Variants in ZFPM2 observed in about 807,000 individuals in gnomAD.
ZFPM2 encodes zinc finger protein ZFPM2.
In ZFPM2, 20 loss-of-function variants were observed where a neutral mutation model predicts 98.6. The ratio of observed to expected loss-of-function variants is 0.20; its 90% CI spans 0.14 to 0.29. The LOEUF is 0.29. Ranked by LOEUF, ZFPM2 falls within the 10% of genes least tolerant of loss-of-function variation. The pLI is 1.00. For synonymous variants in ZFPM2, 518 were observed against 502.7 expected, an observed-to-expected ratio of 1.03 and a Z score of -0.41; for missense variants, 1,310 against 1,388.6, an observed-to-expected ratio of 0.94 and a Z score of 0.90.
intron 1 of ZFPM2, chr8:105,319,498 C>G (rs950214748): frequency 2.0e-5 from 3 of 152,338 alleles, no homozygotes; most frequent in African/African-American, 7.2e-5. Flanking sequence ...CGATCCTGGG[C>G]GGTGCCAGAG....
At chr8:105,677,762 C>A (rs971108253) in intron 5 of ZFPM2, among the ~76,000 whole-genome samples, 2 of 151,920 alleles carry the variant, frequency 1.3e-5, no homozygotes, top group African/African-American at 4.8e-5. Context: ...CTAGGAGATT[C>A]CTCTTTTAAA....
chr8:105,555,502 G>A (rs184254437), intron 3 of ZFPM2, among the ~76,000 whole-genome samples: 4 of 151,954 alleles, frequency 2.6e-5, no homozygotes, highest in Non-Finnish European at 4.4e-5. Flanking sequence ...GAGATACGTC[G>A]TATCATCAAG....
intron 1 of ZFPM2, among the ~76,000 whole-genome samples, chr8:105,329,718 C>T (rs1812176904): frequency 6.6e-6 from 1 of 151,548 alleles, no homozygotes; most frequent in Non-Finnish European, 1.5e-5. Flanking sequence ...TTCTGAGAAG[C>T]TTAGGTTAAA....
chr8:105,530,604 C>T (rs575161299), intron 3 of ZFPM2, among the ~76,000 whole-genome samples: 4 of 152,168 alleles, frequency 2.6e-5, no homozygotes, highest in Admixed American at 6.6e-5. Flanking sequence ...CATGAAACAG[C>T]GAGCATGTGC....
At chr8:105,442,177 C>CAAA (rs34122458) in intron 2 of ZFPM2, among the ~76,000 whole-genome samples, 35 of 131,380 alleles carry the variant, frequency 2.7e-4, no homozygotes, top group African/African-American at 8.5e-4. Context: ...ACTAAAAATA[C>CAAA]AAAAAAAAAA....
At position 105,596,517 on chromosome 8, in the gene ZFPM2, T is replaced by G. The variant is rs147584877; in HGVS notation, c.420+35036T>G. On this transcript the variant is annotated intron_variant, in intron 4 of 7. Transcript: ENST00000407775. ...TACCTAGGGAAAGAAGGTATTCTAC[T>G]TTTCCTGTGAAAACCTTTGCAAGTT... Among the ~76,000 whole-genome samples the G allele has an allele frequency of 6.1e-3, 933 of 152,150 alleles. 2 individuals are homozygous for G. The highest frequency in any genetic ancestry group is 9.9e-3 in the Non-Finnish European group (671 of 67,954).
At chr8:105,667,376 T>A (rs1342646644) in intron 5 of ZFPM2, among the ~76,000 whole-genome samples, 5 of 152,188 alleles carry the variant, frequency 3.3e-5, no homozygotes, top group Admixed American at 6.5e-5. Flanking sequence ...AGTGAACCAA[T>A]ATCAATCAAA....
intron 5 of ZFPM2, among the ~76,000 whole-genome samples, chr8:105,687,707 A>G (rs1810774138): frequency 6.6e-6 from 1 of 152,188 alleles, no homozygotes; most frequent in Admixed American, 6.5e-5. Context: ...AATCTAAAGC[A>G]GTAAAACAGG....
At chr8:105,596,262 G>A (rs1815968004) in intron 4 of ZFPM2, among the ~76,000 whole-genome samples, 1 of 151,940 alleles carries the variant, frequency 6.6e-6, no homozygotes, top group Non-Finnish European at 1.5e-5. Context: ...AAGTCAGCAA[G>A]AAAAGGGAGA....
chr8:105,512,178 A>T (rs1813831549), intron 3 of ZFPM2, among the ~76,000 whole-genome samples: 2 of 152,182 alleles, frequency 1.3e-5, no homozygotes, highest in Non-Finnish European at 2.9e-5. Flanking sequence ...TATATTCTTG[A>T]AATGAGCTGA....
intron 3 of ZFPM2, among the ~76,000 whole-genome samples, chr8:105,500,328 G>A (rs1378220024): frequency 6.6e-6 from 1 of 151,952 alleles, no homozygotes; most frequent in Non-Finnish European, 1.5e-5. Flanking sequence ...GAAATACCTT[G>A]CTTAAATTTG....
intron 6 of ZFPM2, among the ~76,000 whole-genome samples, chr8:105,794,367 G>A (rs1813724625): frequency 6.6e-6 from 1 of 152,198 alleles, no homozygotes; most frequent in Non-Finnish European, 1.5e-5. Flanking sequence ...TGCCTAGGTA[G>A]CAGCAGCGGT....
In ZFPM2 at chr8:105,801,202, A is replaced by T; in HGVS notation, c.1120A>T (p.Thr374Ser). ...RCNHCHFGFQ[T>S]QRELLQHQEL... Reference sequence around the variant, plus strand: ...TAATCACTGCCATTTCGGCTTCCAGACTCAGAGGGAGTTATTGCAGCACCA... The same window carrying T: ...TAATCACTGCCATTTCGGCTTCCAGTCTCAGAGGGAGTTATTGCAGCACCA... The change falls in exon 8 of 8, where the codon ACT (threonine) becomes TCT (serine). Residue 374 changes from threonine (T) to serine (S), a missense_variant. Thr to Ser is a moderately conservative substitution (Grantham distance 58). Coordinates refer to ENST00000407775, the MANE Select transcript of ZFPM2 (RefSeq NM_012082.4). The T allele has an allele frequency of 6.2e-7, 1 of 1,613,772 alleles. No homozygotes were observed. The highest frequency in any genetic ancestry group is 8.5e-7 in the Non-Finnish European group (1 of 1,179,848).
intron 5 of ZFPM2, among the ~76,000 whole-genome samples, chr8:105,781,764 C>T (rs1317168826): frequency 6.6e-6 from 1 of 152,112 alleles, no homozygotes; most frequent in Non-Finnish European, 1.5e-5. Context: ...CCACATCACA[C>T]ATAAATTTTA....
chr8:105,551,001 A>G (rs1472299761), intron 3 of ZFPM2, among the ~76,000 whole-genome samples: 3 of 152,224 alleles, frequency 2.0e-5, no homozygotes, highest in Non-Finnish European at 4.4e-5. Context: ...TGGCTGCAGC[A>G]TTCTTCAGCT....
At chr8:105,496,796 A>G (rs1813477588) in intron 3 of ZFPM2, among the ~76,000 whole-genome samples, 1 of 149,500 alleles carries the variant, frequency 6.7e-6, no homozygotes, top group African/African-American at 2.4e-5. Flanking sequence ...CAGCCTGACC[A>G]ACATGGAGAA....
chr8:105,428,095 G>T (rs1239960204), intron 2 of ZFPM2, among the ~76,000 whole-genome samples: 1 of 152,164 alleles, frequency 6.6e-6, no homozygotes, highest in Non-Finnish European at 1.5e-5. Flanking sequence ...TAAAAATAGA[G>T]AACTAATTTT....
At chr8:105,491,312 T>A (rs901182112) in intron 3 of ZFPM2, among the ~76,000 whole-genome samples, 1 of 152,026 alleles carries the variant, frequency 6.6e-6, no homozygotes, top group African/African-American at 2.4e-5. Flanking sequence ...ATAATAATAA[T>A]AATAAATGTT....
chr8:105,595,035 A>G (rs1032251988), intron 4 of ZFPM2, among the ~76,000 whole-genome samples: 4 of 152,134 alleles, frequency 2.6e-5, no homozygotes, highest in African/African-American at 9.7e-5. Context: ...AAACAGAATT[A>G]TGGAAAGAAT....
Sources: gnomAD v4.1 joint callset for allele counts (sites outside exome capture counted in the v4.1 genomes callset) on GRCh38, gnomAD v4.1.1 for gene constraint, MANE v1.5 for transcripts, NCBI Gene and HGNC (gene_info 2026-07-23, HGNC 2026-07-21) for gene names.